The following CMIP variants were observed in gnomAD, a reference collection of about 807,000 sequenced individuals.
The protein encoded by CMIP is C-Maf-inducing protein.
Under a neutral mutation model 97.3 loss-of-function variants are expected in CMIP, and 13 were observed. That is an observed-to-expected ratio of 0.13 (90% CI 0.09 to 0.21). CMIP has a LOEUF of 0.21. Among genes scored for constraint, CMIP ranks in the 10% least tolerant of loss-of-function variants. The pLI is 1.00. For missense variants in CMIP, 847 were observed against 1,024.9 expected, an observed-to-expected ratio of 0.83 and a Z score of 2.37; for synonymous variants, 538 against 436.3, an observed-to-expected ratio of 1.23 and a Z score of -2.91.
intron 3 of CMIP, among the ~76,000 whole-genome samples, chr16:81,650,162 C>T (rs745771634): frequency 1.1e-4 from 16 of 152,148 alleles, no homozygotes; most frequent in Non-Finnish European, 1.9e-4. Context: ...GTACACTCAC[C>T]CCCGACAACT....
At chr16:81,535,806 C>T (rs1055426766) in intron 1 of CMIP, among the ~76,000 whole-genome samples, 2 of 152,166 alleles carry the variant, frequency 1.3e-5, no homozygotes, top group African/African-American at 4.8e-5. Flanking sequence ...AGACTCTGAA[C>T]TGGCTGACAA....
chr16:81,573,003 A>G (rs936794331), intron 1 of CMIP, among the ~76,000 whole-genome samples: 1 of 152,226 alleles, frequency 6.6e-6, no homozygotes, highest in African/African-American at 2.4e-5. Flanking sequence ...ATAAAATGAA[A>G]TGACCTCTGG....
At chr16:81,542,687 C>G (rs1294730822) in intron 1 of CMIP, among the ~76,000 whole-genome samples, 22 of 151,898 alleles carry the variant, frequency 1.4e-4, no homozygotes, top group Admixed American at 1.4e-3. Flanking sequence ...AGACAGCCAC[C>G]TTCTCACTGT....
At chr16:81,596,268 A>T (rs2150925802) in intron 1 of CMIP, among the ~76,000 whole-genome samples, 1 of 152,144 alleles carries the variant, frequency 6.6e-6, no homozygotes, top group East Asian at 1.9e-4. Flanking sequence ...CACTTTGGGA[A>T]GCCAAGGTGG....
At chr16:81,580,888 C>T (rs931806486) in intron 1 of CMIP, among the ~76,000 whole-genome samples, 7 of 152,204 alleles carry the variant, frequency 4.6e-5, no homozygotes, top group Admixed American at 6.5e-5. Flanking sequence ...GAAACCTCTT[C>T]TCCACCCCAG....
chr16:81,609,770 G>A (rs1360488549), intron 2 of CMIP, among the ~76,000 whole-genome samples: 3 of 152,164 alleles, frequency 2.0e-5, no homozygotes, highest in Non-Finnish European at 4.4e-5. Context: ...TGCAAAGCCT[G>A]AATATGGGGG....
intron 1 of CMIP, among the ~76,000 whole-genome samples, chr16:81,568,753 C>A (rs996425904): frequency 6.6e-6 from 1 of 152,200 alleles, no homozygotes; most frequent in Non-Finnish European, 1.5e-5. Flanking sequence ...GGCTCCATAA[C>A]AAAGTGACCC....
intron 1 of CMIP, among the ~76,000 whole-genome samples, chr16:81,598,894 G>C (rs752125684): frequency 2.6e-5 from 4 of 151,398 alleles, no homozygotes; most frequent in African/African-American, 9.7e-5. Flanking sequence ...GCTTGAAGCC[G>C]GGAGGCGGGG....
At chr16:81,662,577 G>A (rs749121387) in intron 6 of CMIP, among the ~76,000 whole-genome samples, 2 of 152,176 alleles carry the variant, frequency 1.3e-5, no homozygotes, top group Non-Finnish European at 2.9e-5. Context: ...AGCCTCCCGC[G>A]CTGCGTCCGC....
intron 20 of CMIP, among the ~76,000 whole-genome samples, chr16:81,708,337 G>GC (rs1908382717): frequency 6.6e-6 from 1 of 152,224 alleles, no homozygotes; most frequent in African/African-American, 2.4e-5. Context: ...CAGGATCCAG[G>GC]CCACCCCAGG....
intron 1 of CMIP, among the ~76,000 whole-genome samples, chr16:81,456,989 G>A (rs1032822298): frequency 2.0e-5 from 3 of 152,138 alleles, no homozygotes; most frequent in African/African-American, 7.2e-5. Flanking sequence ...CAGCCTCCTC[G>A]CCTGAGACCA....
chr16:81,679,520 CAT>C (rs1168942890), intron 10 of CMIP, among the ~76,000 whole-genome samples: 1 of 151,896 alleles, frequency 6.6e-6, no homozygotes, highest in Non-Finnish European at 1.5e-5. Flanking sequence ...AGTGACGGGT[CAT>C]GTGCAGGAGT....
chr16:81,519,723 C>T (rs2089983822), intron 1 of CMIP: 1 of 152,208 alleles, frequency 6.6e-6, no homozygotes, highest in Non-Finnish European at 1.5e-5. Context: ...CAGCATTTTA[C>T]CACTTTTAAC....
chr16:81,490,104 G>T (rs1567541305), intron 1 of CMIP, among the ~76,000 whole-genome samples: 1 of 152,200 alleles, frequency 6.6e-6, no homozygotes, highest in African/African-American at 2.4e-5. Flanking sequence ...AGTGTCCCAA[G>T]GAGCCTGACA....
At chr16:81,639,146 G>T (rs996670888) in intron 3 of CMIP, among the ~76,000 whole-genome samples, 10 of 152,322 alleles carry the variant, frequency 6.6e-5, no homozygotes, top group Non-Finnish European at 1.3e-4. Flanking sequence ...GCTGTGACCT[G>T]GAGTGGGTTA....
chr16:81,512,836 AAG>A (rs775127533), intron 1 of CMIP, among the ~76,000 whole-genome samples: 7,226 of 152,240 alleles, frequency 0.047, 196 homozygotes, highest in Non-Finnish European at 0.065. Flanking sequence ...TCCTGGGTTC[AAG>A]CAATTCTCCT....
chr16:81,602,928 C>T (rs939167550), intron 1 of CMIP, among the ~76,000 whole-genome samples: 11 of 152,144 alleles, frequency 7.2e-5, no homozygotes, highest in East Asian at 5.8e-4. Flanking sequence ...GTACCCAGAA[C>T]GGCAGAGGTG....
intron 1 of CMIP, among the ~76,000 whole-genome samples, chr16:81,529,743 C>T (rs2090196848): frequency 6.6e-6 from 1 of 152,142 alleles, no homozygotes; most frequent in Non-Finnish European, 1.5e-5. Context: ...CAATTCCCGG[C>T]TTTAAGATGG....
chr16:81,550,477 C>T (rs2090630966), intron 1 of CMIP, among the ~76,000 whole-genome samples: 1 of 152,178 alleles, frequency 6.6e-6, no homozygotes, highest in Admixed American at 6.5e-5. Flanking sequence ...ATGCCCCCCT[C>T]CCACTCTTGG....
Sources: allele counts gnomAD v4.1 joint callset (sites outside exome capture counted in the v4.1 genomes callset), GRCh38; gene constraint gnomAD v4.1.1; transcripts MANE v1.5; gene names NCBI Gene and HGNC (gene_info 2026-07-23, HGNC 2026-07-21).